ASIC2: variants seen among roughly 807,000 people sequenced by gnomAD.
ASIC2 encodes the protein acid-sensing ion channel 2.
A neutral mutation model predicts 57.3 loss-of-function variants in ASIC2; 25 were observed. The ratio of observed to expected loss-of-function variants is 0.44; its 90% CI spans 0.32 to 0.61. ASIC2 has a LOEUF of 0.61. ASIC2 is among the 20% of genes least tolerant of loss of function. The pLI, the probability that ASIC2 is intolerant of heterozygous loss-of-function variation, is 0.06. For synonymous variants in ASIC2, 319 were observed against 307.5 expected (o/e 1.04, Z -0.39); for missense variants, 641 against 738.1 (o/e 0.87, Z 1.52).
chr17:34,000,396 C>T (rs557162210), intron 1 of ASIC2, among the ~76,000 whole-genome samples: 13 of 152,036 alleles, frequency 8.6e-5, no homozygotes, highest in Non-Finnish European at 1.3e-4. Context: ...GGATTACAGG[C>T]GTGTGCCACC....
intron 1 of ASIC2, among the ~76,000 whole-genome samples, chr17:33,169,612 A>C (rs1279765086): frequency 3.9e-5 from 6 of 152,214 alleles, no homozygotes; most frequent in Admixed American, 2.6e-4. Flanking sequence ...TTTGCTTTCA[A>C]ATCTCTCCTT....
chr17:33,279,290 A>C (rs1457853367), intron 1 of ASIC2, among the ~76,000 whole-genome samples: 1 of 152,148 alleles, frequency 6.6e-6, no homozygotes, highest in Non-Finnish European at 1.5e-5. Context: ...TATTCTGGGC[A>C]TATCTAAGCA....
chr17:33,579,416 A>G (rs1037557678), intron 1 of ASIC2, among the ~76,000 whole-genome samples: 2 of 152,102 alleles, frequency 1.3e-5, no homozygotes, highest in African/African-American at 4.8e-5. Context: ...GAAGGTAGAA[A>G]ACAAGGAGAT....
chr17:33,406,269 A>G (rs946989359), intron 1 of ASIC2, among the ~76,000 whole-genome samples: 5 of 152,244 alleles, frequency 3.3e-5, no homozygotes, highest in African/African-American at 1.2e-4. Flanking sequence ...TCACTTATGC[A>G]TCAGCCCACA....
intron 1 of ASIC2, among the ~76,000 whole-genome samples, chr17:33,552,416 T>C (rs1915779483): frequency 6.6e-6 from 1 of 152,206 alleles, no homozygotes. Context: ...CTTTGCCAAC[T>C]CATGCTTTTT....
rs184843424 is a variant in ASIC2, at chr17:34,156,235, A to C, written c.298T>G (p.Ser100Ala). ...TACAGGTCATTGGTGGTGAGCCTGG[A>C]GAACCGGAAGCCATTCAGGTTACAG... Residue 100 changes from serine (S) to alanine (A), a missense_variant, in exon 1 of 10, where the codon TCC becomes GCC. Ser to Ala is a moderately conservative substitution (Grantham distance 99). Coordinates refer to the ASIC2 transcript ENST00000359872. This position sits in a 1 kb window ranked among gnomAD's most constrained non-coding sequence, Gnocchi z 4.4. The C allele has an allele frequency of 6.2e-7, 1 of 1,614,146 alleles. No homozygotes were observed. Among genetic ancestry groups the C allele is most frequent in the East Asian group, 2.2e-5 (1 of 44,860 alleles).
At chr17:33,244,497 T>C (rs1908622055) in intron 1 of ASIC2, among the ~76,000 whole-genome samples, 1 of 152,238 alleles carries the variant, frequency 6.6e-6, no homozygotes, top group Non-Finnish European at 1.5e-5. Flanking sequence ...ATAACTTTCA[T>C]GATTTCTATT....
chr17:34,037,673 C>G, intron 1 of ASIC2: 1 of 1,613,850 alleles, frequency 6.2e-7, no homozygotes, highest in Non-Finnish European at 8.5e-7. Context: ...AATAGCAGCT[C>G]CAGCAGGGCT....
chr17:33,645,808 A>G (rs1424675440), intron 1 of ASIC2, among the ~76,000 whole-genome samples: 2 of 152,162 alleles, frequency 1.3e-5, no homozygotes, highest in Admixed American at 1.3e-4. Flanking sequence ...TTGTCAAAAT[A>G]CAACTCAGTC....
chr17:33,102,982 A>T (rs976443095), intron 2 of ASIC2, among the ~76,000 whole-genome samples: 1 of 152,054 alleles, frequency 6.6e-6, no homozygotes, highest in Non-Finnish European at 1.5e-5. Flanking sequence ...ACAGGGTTTC[A>T]CCATGTTCGC....
intron 1 of ASIC2, among the ~76,000 whole-genome samples, chr17:33,336,873 G>C (rs1263208500): frequency 6.6e-6 from 1 of 152,170 alleles, no homozygotes; most frequent in Non-Finnish European, 1.5e-5. Context: ...GGTCAGCTTT[G>C]TCAATGCGCT....
intron 1 of ASIC2, among the ~76,000 whole-genome samples, chr17:34,141,555 A>G (rs1912273435): frequency 6.6e-6 from 1 of 152,184 alleles, no homozygotes; most frequent in African/African-American, 2.4e-5. Context: ...TTGAATGTCT[A>G]GACTGGGTAT....
intron 1 of ASIC2, among the ~76,000 whole-genome samples, chr17:33,854,318 C>A (rs1913857777): frequency 6.6e-6 from 1 of 152,152 alleles, no homozygotes; most frequent in South Asian, 2.1e-4. Flanking sequence ...GGGTATTGGT[C>A]ATGTGTGCAG....
At chr17:33,226,051 G>A in intron 1 of ASIC2, among the ~76,000 whole-genome samples, 1 of 152,102 alleles carries the variant, frequency 6.6e-6, no homozygotes, top group Non-Finnish European at 1.5e-5. Context: ...GGCACTTGTG[G>A]TCTACTAGGA....
intron 1 of ASIC2, among the ~76,000 whole-genome samples, chr17:33,957,850 A>G (rs1904786437): frequency 6.6e-6 from 1 of 152,240 alleles, no homozygotes. Flanking sequence ...TCCACAGTCC[A>G]AAGTCTCATC....
At chr17:34,014,966 C>T (rs1906896364) in intron 1 of ASIC2, among the ~76,000 whole-genome samples, 1 of 151,618 alleles carries the variant, frequency 6.6e-6, no homozygotes, top group Non-Finnish European at 1.5e-5. Flanking sequence ...CTCACTGAAT[C>T]CTCGACCTCA....
chr17:34,120,986 C>T (rs188011915), intron 1 of ASIC2, among the ~76,000 whole-genome samples: 5 of 152,078 alleles, frequency 3.3e-5, no homozygotes, highest in East Asian at 1.9e-4. Context: ...GTGATCCACC[C>T]GCCTCAGCCT....
intron 1 of ASIC2, among the ~76,000 whole-genome samples, chr17:33,826,605 T>G (rs1403828750): frequency 6.6e-6 from 1 of 152,168 alleles, no homozygotes; most frequent in Non-Finnish European, 1.5e-5. Context: ...TTCCCAGTGT[T>G]TCAGAGCTAG....
chr17:33,180,734 C>T (rs1395748360), intron 1 of ASIC2, among the ~76,000 whole-genome samples: 1 of 152,150 alleles, frequency 6.6e-6, no homozygotes, highest in Non-Finnish European at 1.5e-5. Flanking sequence ...GATCGTGCTT[C>T]CTGATGCTTC....
Sources: allele counts gnomAD v4.1 joint callset (sites outside exome capture counted in the v4.1 genomes callset), GRCh38; gene constraint gnomAD v4.1.1; non-coding constraint Gnocchi (gnomAD v3.1); transcripts MANE v1.5; gene names NCBI Gene and HGNC (gene_info 2026-07-23, HGNC 2026-07-21).